Variants in ZMYM2 observed in about 807,000 individuals in gnomAD.
ZMYM2 encodes zinc finger MYM-type containing 2, also known as zinc finger MYM-type protein 2.
Under a neutral mutation model 162.8 loss-of-function variants are expected in ZMYM2, and 56 were observed. That is an observed-to-expected ratio of 0.34 (90% confidence interval 0.28 to 0.43). The LOEUF is 0.43. Among genes scored for constraint, ZMYM2 ranks in the 20% least tolerant of loss-of-function variants. ZMYM2 has a pLI of 1.00. For missense variants in ZMYM2, 1,275 were observed against 1,621.8 expected (o/e 0.79, Z 3.67); for synonymous variants, 510 against 541.6 (o/e 0.94, Z 0.81).
intron 10 of ZMYM2, among the ~76,000 whole-genome samples, chr13:20,033,390 T>G (rs777634307): frequency 1.3e-5 from 2 of 152,104 alleles, no homozygotes; most frequent in Non-Finnish European, 2.9e-5. Context: ...CCTGGGAGAT[T>G]GAGAATTCAG....
chr13:20,043,193 G>T (rs931965213), intron 12 of ZMYM2, among the ~76,000 whole-genome samples: 12 of 152,174 alleles, frequency 7.9e-5, no homozygotes, highest in African/African-American at 2.9e-4. Context: ...GTCTCAACTT[G>T]ATTCTGTCTC....
chr13:19,986,536 A>G (rs1949156831), intron 2 of ZMYM2, among the ~76,000 whole-genome samples: 1 of 152,216 alleles, frequency 6.6e-6, no homozygotes, highest in Admixed American at 6.5e-5. Context: ...CTAAGGAGAA[A>G]GTTTCAGATA....
the ZMYM2 span, among the ~76,000 whole-genome samples, chr13:19,876,585 A>C: frequency 6.6e-6 from 1 of 152,142 alleles, no homozygotes; most frequent in East Asian, 1.9e-4. Flanking sequence ...GACCTCCCAA[A>C]GTGCTAGGAT....
chr13:19,884,516 T>C, the ZMYM2 span, among the ~76,000 whole-genome samples: 2 of 151,706 alleles, frequency 1.3e-5, no homozygotes, highest in Non-Finnish European at 2.9e-5. Flanking sequence ...AGGCTTGCAG[T>C]GAGCCAAGAT....
chr13:19,974,135 A>G (rs550827083), intron 2 of ZMYM2, among the ~76,000 whole-genome samples: 23 of 152,360 alleles, frequency 1.5e-4, no homozygotes, highest in Admixed American at 7.8e-4. Context: ...TTTAAAAGGT[A>G]GAAGAGGGTA....
chr13:19,927,788 ATCT>A, the ZMYM2 span, among the ~76,000 whole-genome samples: 1 of 152,150 alleles, frequency 6.6e-6, no homozygotes, highest in Non-Finnish European at 1.5e-5. Context: ...TCTGCTCCAA[ATCT>A]TCTCCTAACA....
At chr13:19,895,139 A>G in the ZMYM2 span, among the ~76,000 whole-genome samples, 1 of 151,454 alleles carries the variant, frequency 6.6e-6, no homozygotes, top group Non-Finnish European at 1.5e-5. Flanking sequence ...GTCTGTATAT[A>G]TAAAACAGAA....
intron 21 of ZMYM2, among the ~76,000 whole-genome samples, chr13:20,078,745 A>G (rs1739431378): frequency 6.6e-6 from 1 of 152,184 alleles, no homozygotes; most frequent in Admixed American, 6.5e-5. Context: ...AAGAATTGGT[A>G]TTTTTAAAAT....
At chr13:19,918,817 A>G in the ZMYM2 span, among the ~76,000 whole-genome samples, 2 of 152,086 alleles carry the variant, frequency 1.3e-5, no homozygotes, top group South Asian at 2.1e-4. Context: ...CTTATTTTCA[A>G]ATAGTCATAG....
the ZMYM2 span, among the ~76,000 whole-genome samples, chr13:19,899,816 C>CAAAAAAA: frequency 0.019 from 1,248 of 64,916 alleles, 13 homozygotes; most frequent in Middle Eastern, 0.024. Context: ...GACTCTGACT[C>CAAAAAAA]AAAAAAAAAA....
intron 14 of ZMYM2, among the ~76,000 whole-genome samples, chr13:20,053,369 A>G (rs1217498160): frequency 2.6e-5 from 4 of 152,234 alleles, no homozygotes; most frequent in African/African-American, 9.6e-5. Flanking sequence ...CTGTATTTTT[A>G]AAAAGTTCTG....
the ZMYM2 span, among the ~76,000 whole-genome samples, chr13:19,909,875 A>G: frequency 1.3e-5 from 2 of 152,138 alleles, no homozygotes; most frequent in Non-Finnish European, 2.9e-5. Flanking sequence ...CATGTGTAGG[A>G]ATGAATATGA....
At chr13:19,955,592 A>G (rs535791714), upstream of ZMYM2, among the ~76,000 whole-genome samples, 2 of 152,158 alleles carry the variant, frequency 1.3e-5, no homozygotes, top group Non-Finnish European at 2.9e-5. Flanking sequence ...ACACTTTTAT[A>G]TCACTTTCAC....
upstream of ZMYM2, among the ~76,000 whole-genome samples, chr13:19,957,728 G>A (rs1479694560): frequency 1.3e-5 from 2 of 152,240 alleles, no homozygotes; most frequent in East Asian, 3.9e-4. Context: ...CCAGCGCCCC[G>A]GGCTGCGGAG....
At position 20,082,979 on chromosome 13, in the gene ZMYM2, A is replaced by G; in HGVS notation, c.3767A>G (p.Asn1256Ser). 1.2e-6 allele frequency: 2 copies of G among 1,613,996 alleles called. No homozygotes were observed. The highest frequency in any genetic ancestry group is 1.7e-6 in the Non-Finnish European group (2 of 1,179,864). The change falls in exon 23 of 25, where the codon AAC becomes AGC. Residue 1256 changes from asparagine to serine, a missense_variant. Asn to Ser is a conservative substitution (Grantham distance 46). Coordinates refer to ENST00000610343, the MANE Select transcript of ZMYM2 (RefSeq NM_197968.4). ...HWKKNPLTME[N>S]KACLRYQVSS... The stretch of plus-strand genomic sequence containing the variant: ...AAAAAAAATCCTTTAACGATGGAAA[A>G]CAAAGCGTGTCTTCGATACCAAGTG...
intron 9 of ZMYM2, among the ~76,000 whole-genome samples, chr13:20,027,749 T>C (rs1952717352): frequency 6.6e-6 from 1 of 152,144 alleles, no homozygotes; most frequent in Non-Finnish European, 1.5e-5. Context: ...TTTTTTACAC[T>C]AGGCCTTAAT....
intron 2 of ZMYM2, among the ~76,000 whole-genome samples, chr13:19,991,313 T>A (rs1406856614): frequency 6.6e-6 from 1 of 151,632 alleles, no homozygotes; most frequent in Non-Finnish European, 1.5e-5. Context: ...AGATTTGAGG[T>A]CTTGTTATGT....
intron 2 of ZMYM2, chr13:19,965,161 GAAT>G (rs1955628594): frequency 9.7e-7 from 1 of 1,027,160 alleles, no homozygotes; most frequent in Non-Finnish European, 1.3e-6. Flanking sequence ...GTTGCAGACA[GAAT>G]AATGTTTGTA....
At chr13:19,957,326 C>A (rs576106014), upstream of ZMYM2, among the ~76,000 whole-genome samples, 7 of 152,228 alleles carry the variant, frequency 4.6e-5, no homozygotes, top group African/African-American at 1.4e-4. Context: ...GCAATGGTGT[C>A]AGATAATCGT....
Sources: gnomAD v4.1 joint callset for allele counts (sites outside exome capture counted in the v4.1 genomes callset) on GRCh38, gnomAD v4.1.1 for gene constraint, MANE v1.5 for transcripts, NCBI Gene and HGNC (gene_info 2026-07-23, HGNC 2026-07-21) for gene names.